Variants in SCAF4 observed in about 807,000 individuals in gnomAD.
SCAF4 encodes the protein SR-related CTD associated factor 4.
SCAF4 carries 25 observed loss-of-function variants against 129.8 expected under a neutral mutation model. That is an observed-to-expected ratio of 0.19 (90% CI 0.14 to 0.27). The LOEUF (loss-of-function observed/expected upper bound fraction) is 0.27. Among genes scored for constraint, SCAF4 ranks in the 10% least tolerant of loss-of-function variants. SCAF4 has a pLI of 1.00. For missense variants in SCAF4, 1,246 were observed against 1,457.1 expected (o/e 0.86, Z 2.36); for synonymous variants, 551 against 497.7 (o/e 1.11, Z -1.43).
intron 5 of SCAF4, 99 bp from the exon 6 acceptor site, chr21:31,702,017 A>G (rs1034811250): frequency 1.4e-6 from 2 of 1,438,930 alleles, no homozygotes; most frequent in African/African-American, 2.9e-5. Flanking sequence ...CCAATTTAAC[A>G]AAGTATAAAA....
intron 9 of SCAF4, 33 bp downstream of exon 9, chr21:31,696,080 T>A (rs772167210): frequency 1.6e-5 from 23 of 1,477,750 alleles, no homozygotes; most frequent in Non-Finnish European, 1.9e-5. Context: ...AATGAATAGA[T>A]CTTTCTTTGA....
chr21:31,676,901 T>C (rs1047691341), intron 19 of SCAF4, among the ~76,000 whole-genome samples: 2 of 152,190 alleles, frequency 1.3e-5, no homozygotes, highest in Non-Finnish European at 2.9e-5. Flanking sequence ...TAATGTTTTC[T>C]GTCTCTGTGG....
intron 1 of SCAF4, among the ~76,000 whole-genome samples, chr21:31,719,870 C>T (rs1601270934): frequency 6.6e-6 from 1 of 152,204 alleles, no homozygotes; most frequent in East Asian, 1.9e-4. Flanking sequence ...TCAAACTTTC[C>T]ACTTTTAGAA....
At chr21:31,726,171 A>C (rs554647130) in intron 1 of SCAF4, among the ~76,000 whole-genome samples, 29 of 151,480 alleles carry the variant, frequency 1.9e-4, no homozygotes, top group African/African-American at 6.8e-4. Context: ...TCAGCCTCCC[A>C]AGTAGCTGGG....
chr21:31,696,634 G>A lies in SCAF4; in HGVS notation c.894C>T (p.Pro298=), dbSNP rs755418599. 1 of 1,613,386 alleles carries A rather than the reference G, an allele frequency of 6.2e-7. No homozygotes were observed. Among genetic ancestry groups the A allele is most frequent in the South Asian group, 1.1e-5 (1 of 91,030 alleles). The change falls in exon 8 of 20, where the codon CCC becomes CCT. Residue 298 remains proline (P), a synonymous_variant. Transcript: ENST00000286835. ...CAGCAGCAGCAGGCACGGTGGCGGTGGGTGCAGGGGGTACTGCGGCAGCAG... is the reference window on the plus strand; with the variant it reads ...CAGCAGCAGCAGGCACGGTGGCGGTAGGTGCAGGGGGTACTGCGGCAGCAG... ...TAPAAAVPPA[P]TATVPAAAAP... is the part of the protein sequence containing the mutation.
intron 1 of SCAF4, among the ~76,000 whole-genome samples, chr21:31,730,956 G>A (rs1209197675): frequency 1.3e-5 from 2 of 152,168 alleles, no homozygotes; most frequent in Non-Finnish European, 2.9e-5. Flanking sequence ...GGACTAAGGC[G>A]GAGCGAATAC....
chr21:31,707,445 A>G lies in SCAF4; in HGVS notation c.31-1088T>C, dbSNP rs191312807. 7.2e-3 allele frequency among the ~76,000 whole-genome samples: 1,101 copies of G among 152,268 alleles called. 13 individuals carry two copies. The highest frequency in any genetic ancestry group is 0.025 in the African/African-American group (1,039 of 41,528). ...AGGTGCTTCCATGAGACTTAACCAC[A>G]TACTTCCCCCAAAGGGTTAAATCCA... is the stretch of plus-strand genomic sequence containing the variant. On this transcript the variant is annotated intron_variant, in intron 1 of 19. Transcript: ENST00000286835.
At chr21:31,689,964 C>A (rs1487835509) in intron 15 of SCAF4, among the ~76,000 whole-genome samples, 1 of 151,784 alleles carries the variant, frequency 6.6e-6, no homozygotes, top group Non-Finnish European at 1.5e-5. Flanking sequence ...AAAAAACATT[C>A]TATACTGCCA....
Position 31,723,637 on chromosome 21 carries a change from C to T in SCAF4, c.30+8026G>A, listed in dbSNP as rs574744128. ...GTGTGTGTGTGTGTGTGTGCGCGCG[C>T]GCGCGCGCGCACATACAGTTCAAGT... is the stretch of plus-strand genomic sequence containing the variant. On this transcript the variant is annotated intron_variant, in intron 1 of 19. Coordinates refer to ENST00000286835, the MANE Select transcript of SCAF4 (RefSeq NM_020706.2). 2.8e-3 allele frequency among the ~76,000 whole-genome samples: 386 copies of T among 137,024 alleles called. 1 individual carries two copies. Among genetic ancestry groups the T allele is most frequent in the African/African-American group, 8.5e-3 (285 of 33,720 alleles). 89.9% of individuals were successfully genotyped at this position (137,024 alleles called of 152,430 possible). A position where few individuals can be genotyped will look rare whatever the true frequency, so the allele number is the denominator to read the frequency against.
intron 19 of SCAF4, among the ~76,000 whole-genome samples, chr21:31,675,259 T>A (rs1465133472): frequency 1.3e-5 from 2 of 152,160 alleles, no homozygotes; most frequent in African/African-American, 4.8e-5. Flanking sequence ...GACTTTGACC[T>A]CTAGTGGTGC....
chr21:31,717,906 C>CATATAT (rs1555854133), intron 1 of SCAF4, among the ~76,000 whole-genome samples: 4 of 44,130 alleles, frequency 9.1e-5, no homozygotes, highest in African/African-American at 2.9e-4. Flanking sequence ...CACATATATA[C>CATATAT]ACACACACAC....
chr21:31,701,848 A>T lies in SCAF4; in HGVS notation c.528T>A (p.Ala176=). The T allele has an allele frequency of 6.2e-7, 1 of 1,614,158 alleles. No homozygotes were observed. The highest frequency in any genetic ancestry group is 1.7e-5 in the Admixed American group (1 of 60,028). The change falls in exon 6 of 20, where the codon GCT becomes GCA. Residue 176 remains alanine, a synonymous_variant. Coordinates refer to ENST00000286835, the MANE Select transcript of SCAF4 (RefSeq NM_020706.2). ...PTQATPNSVP[A]VPQLPSSDAF... ...CATCAGAGCTGGGCAACTGTGGTAC[A>T]GCTGGGACGGAGTTTGGAGTGGCTT...
rs576428795 is a variant in SCAF4 at position 31,719,293 on chromosome 21, AAAAAAAC to A, written c.30+12363_30+12369del. Among the ~76,000 whole-genome samples the A allele has an allele frequency of 3.9e-3, 587 of 152,276 alleles. 7 individuals are homozygous for A. The highest frequency in any genetic ancestry group is 0.013 in the African/African-American group (545 of 41,550). ...CAACAAGAACGAAACTCTGTCCCAA[AAAAAAAC>A]AAAAAACAAAAAACAAAAAAAACAC... On this transcript the variant is annotated intron_variant, in intron 1 of 19. Transcript: ENST00000286835.
At chr21:31,679,635 C>A (rs763028162) in intron 19 of SCAF4, among the ~76,000 whole-genome samples, 7 of 152,052 alleles carry the variant, frequency 4.6e-5, no homozygotes, top group Admixed American at 1.3e-4. Flanking sequence ...GCAAGAGATT[C>A]TTAAGAGAAA....
intron 1 of SCAF4, among the ~76,000 whole-genome samples, chr21:31,728,934 G>A (rs2051276417): frequency 6.6e-6 from 1 of 152,092 alleles, no homozygotes. Flanking sequence ...CTTAGGATGT[G>A]GGGACAAAAG....
At chr21:31,689,019 C>A (rs2050194806) in intron 15 of SCAF4, among the ~76,000 whole-genome samples, 1 of 152,208 alleles carries the variant, frequency 6.6e-6, no homozygotes. Context: ...GGCTCTGGCT[C>A]CATCAGATTC....
In SCAF4 at chr21:31,688,114, CAAAAAAAAAA is replaced by C. The variant is rs61592268; in HGVS notation, c.2043+183_2043+192del. ...TGGGCAACAAAGAGAGACTCTGTCT[CAAAAAAAAAA>C]AAAAAAAAAAAAAAAAAAAAAGTGA... is the stretch of plus-strand genomic sequence containing the variant. On this transcript the variant is annotated intron_variant, in intron 16 of 19. Coordinates refer to ENST00000286835, the MANE Select transcript of SCAF4 (RefSeq NM_020706.2). Among the ~76,000 whole-genome samples the C allele has an allele frequency of 3.8e-3, 41 of 10,904 alleles. 1 individual carries two copies. The highest frequency in any genetic ancestry group is 0.1 in the Middle Eastern group (1 of 10). The allele number at this position is 10,904 out of a possible 152,430, so 7.2% of individuals were successfully genotyped here.
intron 1 of SCAF4, among the ~76,000 whole-genome samples, chr21:31,713,570 T>G (rs2050854907): frequency 6.6e-6 from 1 of 152,178 alleles, no homozygotes; most frequent in Admixed American, 6.5e-5. Flanking sequence ...AGGAATGAAT[T>G]ACATAATTCC....
At chr21:31,704,403 A>G (rs1475128984) in intron 3 of SCAF4, among the ~76,000 whole-genome samples, 1 of 152,148 alleles carries the variant, frequency 6.6e-6, no homozygotes, top group South Asian at 2.1e-4. Context: ...AGCAGAGAAA[A>G]GCAGAGAAAC....
Sources: gnomAD v4.1 joint callset for allele counts (sites outside exome capture counted in the v4.1 genomes callset) on GRCh38, gnomAD v4.1.1 for gene constraint, MANE v1.5 for transcripts, NCBI Gene and HGNC (gene_info 2026-07-23, HGNC 2026-07-21) for gene names.